Variants in CCDC178 observed in about 807,000 individuals in gnomAD.
CCDC178 encodes the protein coiled-coil domain-containing protein 178.
A neutral mutation model predicts 117.4 loss-of-function variants in CCDC178; 126 were observed. The observed-to-expected ratio is 1.07, with a 90% CI of 0.93 to 1.24. The LOEUF (loss-of-function observed/expected upper bound fraction) is 1.24, where lower values mean the gene tolerates loss of function less well. Among genes scored for constraint, CCDC178 ranks in the 50% most tolerant of loss-of-function variants. The pLI is 0.00. For synonymous variants in CCDC178, 283 were observed against 313.4 expected (o/e 0.90, Z 1.02); for missense variants, 1,030 against 986.9 (o/e 1.04, Z -0.59).
chr18:33,254,230 T>A (rs1465074129), intron 14 of CCDC178, among the ~76,000 whole-genome samples: 2 of 148,818 alleles, frequency 1.3e-5, no homozygotes, highest in Admixed American at 1.4e-4. Flanking sequence ...CATTATGTCA[T>A]TTATTCAACA....
intron 21 of CCDC178, among the ~76,000 whole-genome samples, chr18:33,087,222 C>A (rs965381084): frequency 1.3e-5 from 2 of 152,236 alleles, no homozygotes; most frequent in East Asian, 3.9e-4. Flanking sequence ...TGAAAATACC[C>A]TCAAAACTGG....
intron 21 of CCDC178, among the ~76,000 whole-genome samples, chr18:33,067,642 C>T (rs1473188458): frequency 4.6e-5 from 7 of 151,942 alleles, no homozygotes; most frequent in African/African-American, 1.2e-4. Context: ...GTCGGGAGTT[C>T]GAGACCAGCC....
chr18:33,006,247 G>C (rs2055747574), intron 21 of CCDC178, among the ~76,000 whole-genome samples: 1 of 151,968 alleles, frequency 6.6e-6, no homozygotes, highest in South Asian at 2.1e-4. Context: ...CATTTTAAGA[G>C]GGAAGAATTC....
intron 3 of CCDC178, among the ~76,000 whole-genome samples, chr18:33,401,893 T>C (rs1200487365): frequency 1.3e-5 from 2 of 152,082 alleles, no homozygotes; most frequent in African/African-American, 2.4e-5. Flanking sequence ...AATGAACACA[T>C]GGAAATTATT....
At chr18:33,053,674 C>T (rs927686482) in intron 21 of CCDC178, among the ~76,000 whole-genome samples, 1 of 151,414 alleles carries the variant, frequency 6.6e-6, no homozygotes, top group Non-Finnish European at 1.5e-5. Flanking sequence ...ATTGAAAAGT[C>T]GAAAAAAGAA....
At chr18:33,299,627 G>C (rs997130425) in intron 11 of CCDC178, among the ~76,000 whole-genome samples, 1 of 151,486 alleles carries the variant, frequency 6.6e-6, no homozygotes, top group Admixed American at 6.6e-5. Context: ...AAACAAATGG[G>C]ATAATATCAA....
intron 22 of CCDC178, among the ~76,000 whole-genome samples, chr18:32,952,805 G>A (rs558802379): frequency 5.8e-5 from 8 of 137,824 alleles, no homozygotes; most frequent in South Asian, 2.3e-4. Flanking sequence ...ATGGAGTCTC[G>A]CTTTGTTGCC....
chr18:33,338,231 TAATAAAAAAATGAAAA>T (rs1182361989), intron 9 of CCDC178, among the ~76,000 whole-genome samples: 3 of 152,008 alleles, frequency 2.0e-5, no homozygotes, highest in Non-Finnish European at 2.9e-5. Flanking sequence ...AGTATGTCCA[TAATAAAAAAATGAAAA>T]ACATTATAGA....
At chr18:33,332,644 T>C (rs2062684758) in intron 10 of CCDC178, among the ~76,000 whole-genome samples, 4 of 152,224 alleles carry the variant, frequency 2.6e-5, no homozygotes, top group South Asian at 2.1e-4. Context: ...GGCACAGTCA[T>C]GGATCACTGC....
At position 33,367,147 on chromosome 18, in the gene CCDC178, A is replaced by C. The variant is rs181172096; in HGVS notation, c.348+2903T>G. ...GGGTACATAGTAGGTGTATATATTTATGGGGAATGTGTGATGTTTTGATCC... is the reference window on the plus strand; with the variant it reads ...GGGTACATAGTAGGTGTATATATTTCTGGGGAATGTGTGATGTTTTGATCC... On this transcript the variant is annotated intron_variant, in intron 6 of 22. Coordinates refer to ENST00000383096, the MANE Select transcript of CCDC178 (RefSeq NM_001105528.4). Among the ~76,000 whole-genome samples, 96 of 152,180 alleles carry C rather than the reference A, an allele frequency of 6.3e-4. 1 individual carries two copies. Among genetic ancestry groups the C allele is most frequent in the Middle Eastern group, 3.4e-3 (1 of 294 alleles).
Position 33,245,406 on chromosome 18 carries a change from C to A in CCDC178, c.1432G>T (p.Glu478Ter). Residue 478 changes from glutamate (E) to a stop codon, truncating the protein, a stop_gained, in exon 15 of 23, where the codon GAA becomes TAA. Coordinates refer to ENST00000383096, the MANE Select transcript of CCDC178 (RefSeq NM_001105528.4). LOFTEE classifies it high-confidence loss of function. ...NESIRKKSKY[E>*]SEIKYLTIMK... ...ATTGTCAAATATTTTATTTCAGATT[C>A]GTATTTTGATTTTTTCCGTATGCTG... 1 of 1,561,790 alleles carries A rather than the reference C, an allele frequency of 6.4e-7. No individual in the cohort carries two copies. Among genetic ancestry groups the A allele is most frequent in the South Asian group, 1.2e-5 (1 of 81,018 alleles).
rs151337966 is a variant in CCDC178 at position 33,213,537 on chromosome 18, GT to G, written c.2079-1483del. 4.7e-3 allele frequency among the ~76,000 whole-genome samples: 721 copies of G among 151,982 alleles called. 6 individuals carry two copies. Among genetic ancestry groups the G allele is most frequent in the African/African-American group, 0.017 (692 of 41,480 alleles). On this transcript the variant is annotated intron_variant, in intron 19 of 22. Transcript: ENST00000383096. ...TGACCAAAACGATAAAATGTTCATA[GT>G]TGATCCCAAAAAAACATTGATATAT...
At chr18:33,394,600 T>C (rs1225529722) in intron 4 of CCDC178, among the ~76,000 whole-genome samples, 1 of 151,810 alleles carries the variant, frequency 6.6e-6, no homozygotes, top group Non-Finnish European at 1.5e-5. Context: ...TTAATGCTCA[T>C]CAAAAAAACT....
At chr18:33,059,353 T>A (rs138653051) in intron 21 of CCDC178, among the ~76,000 whole-genome samples, 2 of 152,112 alleles carry the variant, frequency 1.3e-5, no homozygotes, top group African/African-American at 4.8e-5. Flanking sequence ...TGATAACTGC[T>A]TACTCTGCAT....
At chr18:32,983,345 C>G (rs771578050) in intron 21 of CCDC178, 1 of 1,523,024 alleles carries the variant, frequency 6.6e-7, no homozygotes, top group South Asian at 1.2e-5. Context: ...AGGTAAGAAG[C>G]CTGCAACCTA....
At chr18:33,429,151 T>C (rs990908514) in intron 2 of CCDC178, among the ~76,000 whole-genome samples, 1 of 152,112 alleles carries the variant, frequency 6.6e-6, no homozygotes, top group Non-Finnish European at 1.5e-5. Flanking sequence ...TTATCACTCA[T>C]GTCAGGAAAA....
intron 9 of CCDC178, among the ~76,000 whole-genome samples, chr18:33,338,942 G>A (rs2062778661): frequency 6.6e-6 from 1 of 151,986 alleles, no homozygotes; most frequent in Non-Finnish European, 1.5e-5. Context: ...AGCCTTAACA[G>A]AAGTTTTTAT....
At chr18:33,320,683 A>G (rs529229009) in intron 11 of CCDC178, among the ~76,000 whole-genome samples, 50 of 152,324 alleles carry the variant, frequency 3.3e-4, no homozygotes, top group African/African-American at 1.2e-3. Context: ...TGATAGATTC[A>G]ATGCCATCCC....
At chr18:33,097,115 CT>C (rs2057554828) in intron 20 of CCDC178, among the ~76,000 whole-genome samples, 2 of 152,104 alleles carry the variant, frequency 1.3e-5, no homozygotes, top group Non-Finnish European at 2.9e-5. Context: ...AGACCTATGG[CT>C]TTTCCAGCTA....
Sources: allele counts gnomAD v4.1 joint callset (sites outside exome capture counted in the v4.1 genomes callset), GRCh38; gene constraint gnomAD v4.1.1; transcripts MANE v1.5; gene names NCBI Gene and HGNC (gene_info 2026-07-23, HGNC 2026-07-21).